WDR72: variants seen among roughly 807,000 people sequenced by gnomAD.
WDR72 encodes the protein WD repeat domain 72.
In WDR72, 120 loss-of-function variants were observed where a neutral mutation model predicts 124.2. The ratio of observed to expected loss-of-function variants is 0.97; its 90% CI spans 0.83 to 1.12. The LOEUF (loss-of-function observed/expected upper bound fraction) is 1.12. Ranked by LOEUF, WDR72 falls within the 50% of genes most tolerant of loss-of-function variation. The pLI is 0.00. For missense variants in WDR72, 1,387 were observed against 1,278.8 expected (o/e 1.08, Z -1.29); for synonymous variants, 452 against 441.7 (o/e 1.02, Z -0.29).
rs143515903 is a variant in WDR72 at position 53,595,226 on chromosome 15, T to A, written c.3148+1853A>T. On this transcript the variant is annotated intron_variant, in intron 18 of 19. Transcript: ENST00000360509. ...TATTCAATAATTAATCAAAAGAGAG[T>A]TAATACCACACTTTAATCCAAATGT... 3.0e-4 allele frequency among the ~76,000 whole-genome samples: 46 copies of A among 152,152 alleles called. No individual in the cohort carries two copies. In the East Asian group the frequency reaches 8.9e-3, roughly 29 times the overall value.
At chr15:53,743,973 C>CA (rs11295149) in intron 1 of WDR72, among the ~76,000 whole-genome samples, 9,366 of 128,612 alleles carry the variant, frequency 0.073, 1,038 homozygotes, top group African/African-American at 0.25. Context: ...AGACTCGTCT[C>CA]AAAAAAAAAA....
In WDR72 at chr15:53,680,126, T is replaced by C. The variant is rs551470333; in HGVS notation, c.1766-14358A>G. On this transcript the variant is annotated intron_variant, in intron 13 of 19. Transcript: ENST00000360509. The stretch of plus-strand genomic sequence containing the variant: ...ATACTCCAAATAACTGGTAGCAAGG[T>C]GGCCAGAACTAACCAGAAATATTCT... Among the ~76,000 whole-genome samples, 20 of 152,320 alleles carry C rather than the reference T, an allele frequency of 1.3e-4. No homozygotes were observed. In the South Asian group the frequency reaches 3.9e-3, roughly 30 times the overall value.
At chr15:53,574,191 G>A (rs191156925) in intron 18 of WDR72, among the ~76,000 whole-genome samples, 7 of 152,162 alleles carry the variant, frequency 4.6e-5, no homozygotes, top group South Asian at 2.1e-4. Context: ...AAATCCAAAC[G>A]TAATTTAAAA....
In WDR72 at chr15:53,675,008, A is replaced by C. The variant is rs556454616; in HGVS notation, c.1766-9240T>G. On this transcript the variant is annotated intron_variant, in intron 13 of 19. Transcript: ENST00000360509. Reference sequence around the variant, plus strand: ...CTGAGATGTGTAAAGATAGCAAAGAATGCATTAATTTTCAACACATTTTAA... The same window carrying C: ...CTGAGATGTGTAAAGATAGCAAAGACTGCATTAATTTTCAACACATTTTAA... 1.1e-4 allele frequency among the ~76,000 whole-genome samples: 16 copies of C among 152,332 alleles called. No individual in the cohort carries two copies. In the South Asian group the frequency reaches 3.1e-3, roughly 30 times the overall value.
intron 14 of WDR72, among the ~76,000 whole-genome samples, chr15:53,618,178 C>G (rs528855901): frequency 1.3e-5 from 2 of 151,918 alleles, no homozygotes; most frequent in African/African-American, 4.8e-5. Flanking sequence ...AGAAAGTAAC[C>G]AATATTTGAA....
In WDR72 at chr15:53,715,245, C is replaced by G. The variant is rs2017669604; in HGVS notation, c.462G>C (p.Gln154His). 1 of 1,614,098 alleles carries G rather than the reference C, an allele frequency of 6.2e-7. No homozygotes were observed. The change falls in exon 5 of 20, where the codon CAG becomes CAC. Residue 154 changes from glutamine (Q) to histidine (H), a missense_variant. Physicochemically the swap from Gln to His is conservative, Grantham distance 24. Transcript: ENST00000360509. ...LAVVHSFRSS[Q>H]FPDWINCMCI... ...ACATGCAGTTGATCCAGTCAGGAAA[C>G]TGAGATGATCTAAAACTGTGAACAA... is the stretch of plus-strand genomic sequence containing the variant.
chr15:53,739,688 G>C (rs529930763), intron 1 of WDR72, among the ~76,000 whole-genome samples: 1 of 152,120 alleles, frequency 6.6e-6, no homozygotes, highest in African/African-American at 2.4e-5. Context: ...ACTTTGTATT[G>C]CTCTTTTCAC....
At chr15:53,529,355 A>C (rs573665128) in intron 18 of WDR72, among the ~76,000 whole-genome samples, 95 of 151,882 alleles carry the variant, frequency 6.3e-4, no homozygotes, top group South Asian at 8.3e-4. Context: ...CCCTAAACTC[A>C]GGTTCTTTCC....
At chr15:53,701,698 A>G (rs528573541) in intron 12 of WDR72, among the ~76,000 whole-genome samples, 292 of 152,282 alleles carry the variant, frequency 1.9e-3, no homozygotes, top group Middle Eastern at 3.4e-3. Flanking sequence ...ATCTCAGCTC[A>G]TTGCAAAATG....
At chr15:53,743,654 T>TG (rs1461717821) in intron 1 of WDR72, among the ~76,000 whole-genome samples, 1 of 152,198 alleles carries the variant, frequency 6.6e-6, no homozygotes, top group African/African-American at 2.4e-5. Flanking sequence ...ATTTTTAAAG[T>TG]ACTAGTGATA....
At chr15:53,745,776 T>G (rs1006835423) in intron 1 of WDR72, among the ~76,000 whole-genome samples, 3 of 152,150 alleles carry the variant, frequency 2.0e-5, no homozygotes, top group African/African-American at 7.2e-5. Context: ...TAGATCACAA[T>G]TACCGCTCTT....
intron 1 of WDR72, among the ~76,000 whole-genome samples, chr15:53,737,236 T>A (rs964563940): frequency 6.6e-6 from 1 of 152,180 alleles, no homozygotes; most frequent in African/African-American, 2.4e-5. Flanking sequence ...AACAAGGAAG[T>A]GCTCAAATAG....
intron 14 of WDR72, among the ~76,000 whole-genome samples, chr15:53,639,128 T>C (rs2014736826): frequency 6.6e-6 from 1 of 152,206 alleles, no homozygotes; most frequent in Middle Eastern, 3.2e-3. Flanking sequence ...CTACCTTTTC[T>C]TTCCCTTCTC....
Position 53,517,788 on chromosome 15 carries a change from T to C in WDR72, c.3254-34A>G, listed in dbSNP as rs919936469. On this transcript the variant is annotated intron_variant, in intron 19 of 19. Coordinates refer to ENST00000360509, the MANE Select transcript of WDR72 (RefSeq NM_182758.4). Reference sequence around the variant, plus strand: ...AAAGCAGATATCTTGGGTTATATGGTGAAATCTAAAAAGAGAAAAAAGAGA... The same window carrying C: ...AAAGCAGATATCTTGGGTTATATGGCGAAATCTAAAAAGAGAAAAAAGAGA... The C allele has an allele frequency of 2.5e-6, 4 of 1,605,932 alleles. No individual in the cohort carries two copies. In the African/African-American group the frequency reaches 5.4e-5, roughly 22 times the overall value.
chr15:53,572,426 CT>C (rs1894569246), intron 18 of WDR72, among the ~76,000 whole-genome samples: 1 of 146,848 alleles, frequency 6.8e-6, no homozygotes, highest in African/African-American at 2.5e-5. Context: ...TTTTTTTGCC[CT>C]ACCTATGATA....
chr15:53,631,360 C>G (rs530172258), intron 14 of WDR72, among the ~76,000 whole-genome samples: 2 of 152,176 alleles, frequency 1.3e-5, no homozygotes, highest in African/African-American at 4.8e-5. Flanking sequence ...TCCTGTAGAG[C>G]CTGCAGAACT....
chr15:53,594,388 A>T (rs531619546), intron 18 of WDR72, among the ~76,000 whole-genome samples: 1 of 152,150 alleles, frequency 6.6e-6, no homozygotes, highest in African/African-American at 2.4e-5. Flanking sequence ...AACAACATAT[A>T]CAATTTGCCA....
intron 9 of WDR72, among the ~76,000 whole-genome samples, chr15:53,707,870 C>A (rs562421242): frequency 1.3e-5 from 2 of 152,294 alleles, no homozygotes; most frequent in Non-Finnish European, 2.9e-5. Flanking sequence ...CCCTTGTATG[C>A]ACTTAGAACT....
intron 18 of WDR72, among the ~76,000 whole-genome samples, chr15:53,534,920 A>C (rs1892677225): frequency 6.6e-6 from 1 of 152,176 alleles, no homozygotes; most frequent in Non-Finnish European, 1.5e-5. Context: ...AAAAAATTTC[A>C]CCAAATATAA....
Sources: allele counts gnomAD v4.1 joint callset (sites outside exome capture counted in the v4.1 genomes callset), GRCh38; gene constraint gnomAD v4.1.1; transcripts MANE v1.5; gene names NCBI Gene and HGNC (gene_info 2026-07-23, HGNC 2026-07-21).